Variants in CARNS1 observed in about 807,000 individuals in gnomAD.
CARNS1 encodes carnosine synthase 1.
In CARNS1, 61 loss-of-function variants were observed where a neutral mutation model predicts 74.0. That is an observed-to-expected ratio of 0.82 (90% CI 0.67 to 1.02). The LOEUF is 1.02. CARNS1 is among the 50% of genes least tolerant of loss of function. The probability of loss-of-function intolerance (pLI) is 0.00; values close to 1 mark genes in which losing one functional copy is unlikely to be tolerated. For synonymous variants in CARNS1, 568 were observed against 605.5 expected (o/e 0.94, Z 0.91); for missense variants, 1,278 against 1,308.4 (o/e 0.98, Z 0.36).
chr11:67,418,631 C>T (rs747111880), intron 4 of CARNS1, 111 bp downstream of exon 4: 14 of 1,433,082 alleles, frequency 9.8e-6, no homozygotes, highest in African/African-American at 5.7e-5. Flanking sequence ...TGCATTCCAC[C>T]GGAGCAGCTG....
Position 67,418,808 on chromosome 11 carries a change from C to T in CARNS1, c.417C>T (p.Pro139=), listed in dbSNP as rs777803378. The change falls in exon 5 of 10, where the codon CCC becomes CCT. Residue 139 remains proline, a synonymous_variant. Coordinates refer to ENST00000687366, the MANE Select transcript of CARNS1 (RefSeq NM_001166222.2). ...CTTGGCTGATGAAGGTGCCAGCACC[C>T]GGGCAGCCGGGTGAGGCAGCCCTGC... The part of the protein sequence containing the change: ...SPAWLMKVPA[P]GQPGEAALLV... The T allele has an allele frequency of 2.4e-5, 38 of 1,599,890 alleles. No individual in the cohort carries two copies. The highest frequency in any genetic ancestry group is 2.3e-5 in the East Asian group (1 of 44,132).
intron 2 of CARNS1, 111 bp downstream of exon 2, chr11:67,416,313 G>T: frequency 6.6e-7 from 1 of 1,524,904 alleles, no homozygotes; most frequent in Non-Finnish European, 8.8e-7. Context: ...GCCCCCTGCA[G>T]ACAGCTTAGA....
intron 2 of CARNS1, chr11:67,416,751 G>C (rs1350264219): frequency 4.1e-6 from 4 of 986,238 alleles, no homozygotes; most frequent in African/African-American, 1.7e-5. Flanking sequence ...CCCCATATTG[G>C]GGGGGCGCCA....
At position 67,424,411 on chromosome 11, in the gene CARNS1, G is replaced by T. The variant is rs949738958; in HGVS notation, c.2663G>T (p.Arg888Leu). The T allele has an allele frequency of 1.0e-5, 16 of 1,589,454 alleles. No individual in the cohort carries two copies. The highest frequency in any genetic ancestry group is 6.0e-6 in the Non-Finnish European group (7 of 1,168,448). The part of the protein sequence containing the change: ...SRETLQALHD[R>L]GLLRLNLLEE... ...GAGACCCTGCAGGCCCTGCACGACCGTGGACTGCTACGCCTCAATCTGCTG... is the reference window on the plus strand; with the variant it reads ...GAGACCCTGCAGGCCCTGCACGACCTTGGACTGCTACGCCTCAATCTGCTG... The change falls in exon 10 of 10, where the codon CGT becomes CTT. Residue 888 changes from arginine to leucine, a missense_variant. Physicochemically the swap from Arg to Leu is moderately radical, Grantham distance 102. Around this residue, in one of 3 missense-constraint regions of CARNS1, gnomAD observed 1,164 missense variants for 1,156.5 expected, o/e 1.01. Coordinates refer to ENST00000687366, the MANE Select transcript of CARNS1 (RefSeq NM_001166222.2).
chr11:67,416,561 C>G, intron 2 of CARNS1: 1 of 1,103,566 alleles, frequency 9.1e-7, no homozygotes, highest in Non-Finnish European at 1.1e-6. Flanking sequence ...TTCGTCCCAG[C>G]CTCATCAGCC....
At chr11:67,418,680 C>T in intron 4 of CARNS1, 76 bp from the exon 5 acceptor site, 1 of 1,473,874 alleles carries the variant, frequency 6.8e-7, no homozygotes, top group Non-Finnish European at 9.0e-7. Context: ...TCAGCTGCTT[C>T]CACTCCGCTA....
rs764850754 is a variant in CARNS1 at position 67,417,657 on chromosome 11, G to A, written c.254G>A (p.Arg85His). 9.5e-6 allele frequency: 12 copies of A among 1,266,316 alleles called. No individual in the cohort carries two copies. The highest frequency in any genetic ancestry group is 4.6e-5 in the African/African-American group (3 of 64,678). 78.4% of individuals were successfully genotyped at this position (1,266,316 alleles called of 1,614,324 possible). The change falls in exon 3 of 10, where the codon CGC becomes CAC. Residue 85 changes from arginine to histidine, a missense_variant. By Grantham distance (29) the Arg-to-His change is conservative (BLOSUM62 0). Around this residue, in one of 3 missense-constraint regions of CARNS1, gnomAD observed 104 missense variants for 127.3 expected, o/e 0.82. Coordinates refer to ENST00000687366, the MANE Select transcript of CARNS1 (RefSeq NM_001166222.2). ...GCTGGCCTTCCGGAGACTCAGGACC[G>A]CGGCCAGGTGCCCCGCACAGGTGCC... ...QQAGLPETQD[R>H]GQVPRTGCPG...
At chr11:67,419,938 G>A (rs1384756458) in intron 7 of CARNS1, 100 bp downstream of exon 7, 3 of 1,243,482 alleles carry the variant, frequency 2.4e-6, no homozygotes, top group Non-Finnish European at 3.4e-6. Flanking sequence ...TCTGGGCAGA[G>A]AGGACAAAAT....
intron 1 of CARNS1, 44 bp downstream of exon 1, chr11:67,415,807 G>T (rs1863530594): frequency 6.3e-6 from 1 of 159,268 alleles, no homozygotes. Flanking sequence ...CAGGGAGGGG[G>T]GCGGCCGGGG....
Position 67,421,223 on chromosome 11 carries a change from G to A in CARNS1, c.1626+4G>A. 1 of 1,485,238 alleles carries A rather than the reference G, an allele frequency of 6.7e-7. No homozygotes were observed. The allele number at this position is 1,485,238 out of a possible 1,614,324, so 92.0% of individuals were successfully genotyped here. The stretch of plus-strand genomic sequence containing the variant: ...GGCGCGCGACTACGGGCTCCAGGTG[G>A]GCGGGGCGCGGGGCGGGGCTGGGCC... On this transcript the variant is annotated splice_donor_region_variant and intron_variant, in intron 9 of 9. Transcript: ENST00000687366.
At chr11:67,420,465 C>T (rs1863665454) in intron 7 of CARNS1, 144 bp from the exon 8 acceptor site, 2 of 440,788 alleles carry the variant, frequency 4.5e-6, no homozygotes, top group Non-Finnish European at 7.5e-6. Context: ...AGGGAGAGCT[C>T]GTGTGCAATT....
chr11:67,421,919 T>TGCTCTGTC (rs1863715832), intron 9 of CARNS1, among the ~76,000 whole-genome samples: 1 of 151,706 alleles, frequency 6.6e-6, no homozygotes, highest in African/African-American at 2.4e-5. Context: ...AACGGAGTCT[T>TGCTCTGTC]GCTCTGTCGC....
rs748134171 is a variant in CARNS1, at chr11:67,418,554, T to A, written c.364+34T>A. 1.4e-5 allele frequency: 21 copies of A among 1,520,390 alleles called. 1 individual carries two copies. In the South Asian group the frequency reaches 2.5e-4, roughly 18 times the overall value. 94.2% of individuals were successfully genotyped at this position (1,520,390 alleles called of 1,614,324 possible). A position where few individuals can be genotyped will look rare whatever the true frequency, so the allele number is the denominator to read the frequency against. ...ATGCTCAAGTTTCCCCATCCCCTTC[T>A]ACAGAAAGGGCAGCCCTGCCCTGGC... On this transcript the variant is annotated intron_variant, in intron 4 of 9. Transcript: ENST00000687366.
chr11:67,418,775 G>A lies in CARNS1; in HGVS notation c.384G>A (p.Leu128=). 2 of 1,598,102 alleles carry A rather than the reference G, an allele frequency of 1.3e-6. No homozygotes were observed. The highest frequency in any genetic ancestry group is 1.7e-6 in the Non-Finnish European group (2 of 1,172,508). Residue 128 remains leucine (L), a synonymous_variant, in exon 5 of 10, where the codon CTG becomes CTA. Coordinates refer to ENST00000687366, the MANE Select transcript of CARNS1 (RefSeq NM_001166222.2). ...CCACAGGAAACATGCTCCTTTGCCT[G>A]TCCCCTGCTTGGCTGATGAAGGTGC... ...VQSPGNMLLC[L]SPAWLMKVPA...
At chr11:67,416,378 C>T in intron 2 of CARNS1, 176 bp downstream of exon 2, 1 of 1,442,556 alleles carries the variant, frequency 6.9e-7, no homozygotes, top group Non-Finnish European at 9.1e-7. Context: ...GAGGTGGGCA[C>T]TCTTAGTGCC....
At chr11:67,416,115 C>T in intron 1 of CARNS1, 61 bp from the exon 2 acceptor site, 2 of 1,037,874 alleles carry the variant, frequency 1.9e-6, no homozygotes, top group South Asian at 1.3e-5. Context: ...GCTGGAAGGC[C>T]AGGCAGGGAC....
At chr11:67,421,651 G>T (rs1369555722) in intron 9 of CARNS1, among the ~76,000 whole-genome samples, 1 of 152,156 alleles carries the variant, frequency 6.6e-6, no homozygotes, top group Admixed American at 6.5e-5. Context: ...CTGGGGAACC[G>T]CATACAGATC....
At position 67,417,439 on chromosome 11, in the gene CARNS1, T is replaced by C. The variant is rs1863571094; in HGVS notation, c.36T>C (p.Asp12=). The C allele has an allele frequency of 5.7e-6, 8 of 1,415,532 alleles. No homozygotes were observed. Among genetic ancestry groups the C allele is most frequent in the Non-Finnish European group, 7.4e-6 (8 of 1,085,136 alleles). 87.7% of individuals were successfully genotyped at this position (1,415,532 alleles called of 1,614,324 possible). Residue 12 remains aspartate (D), a synonymous_variant, in exon 3 of 10, where the codon GAT becomes GAC. Transcript: ENST00000687366. ...LSLDPSGPEW[D]CPLGSKDLEE... Reference sequence around the variant, plus strand: ...TGGATCCATCGGGTCCCGAGTGGGATTGCCCACTGGGCTCCAAGGACCTGG... The same window carrying C: ...TGGATCCATCGGGTCCCGAGTGGGACTGCCCACTGGGCTCCAAGGACCTGG...
rs1197852099 is a variant in CARNS1, at chr11:67,419,046, T to G, written c.655T>G (p.Leu219Val). The G allele has an allele frequency of 6.4e-7, 1 of 1,557,318 alleles. No individual in the cohort carries two copies. Among genetic ancestry groups the G allele is most frequent in the Non-Finnish European group, 8.7e-7 (1 of 1,151,688 alleles). ...LLEDRLLTRQ[L>V]LAQQGGVAVP... Reference sequence around the variant, plus strand: ...GGAGGACCGGCTGCTGACAAGGCAGTTGCTGGCCCAGCAGGGTGGTGTGGC... The same window carrying G: ...GGAGGACCGGCTGCTGACAAGGCAGGTGCTGGCCCAGCAGGGTGGTGTGGC... The change falls in exon 5 of 10, where the codon TTG becomes GTG. Residue 219 changes from leucine to valine, a missense_variant. Leu to Val is a conservative substitution (Grantham distance 32, BLOSUM62 1). Around this residue, in one of 3 missense-constraint regions of CARNS1, gnomAD observed 1,164 missense variants for 1,156.5 expected, o/e 1.01. Coordinates refer to ENST00000687366, the MANE Select transcript of CARNS1 (RefSeq NM_001166222.2).
Sources: allele counts gnomAD v4.1 joint callset (sites outside exome capture counted in the v4.1 genomes callset), GRCh38; gene constraint gnomAD v4.1.1; regional missense constraint gnomAD v4.1.1; transcripts MANE v1.5; gene names NCBI Gene and HGNC (gene_info 2026-07-23, HGNC 2026-07-21).